The following BFSP2 variants were observed in gnomAD, a reference collection of about 807,000 sequenced individuals.
BFSP2 encodes beaded filament structural protein 2.
A neutral mutation model predicts 44.9 loss-of-function variants in BFSP2; 38 were observed. The observed-to-expected ratio is 0.85, with a 90% CI of 0.65 to 1.11. The LOEUF (loss-of-function observed/expected upper bound fraction) is 1.11. Ranked by LOEUF, BFSP2 falls within the 50% of genes least tolerant of loss-of-function variation. The pLI is 0.00. For synonymous variants in BFSP2, 197 were observed against 209.9 expected (o/e 0.94, Z 0.53); for missense variants, 525 against 533.0 (o/e 0.99, Z 0.15).
At chr3:133,432,754 G>A (rs538427101) in intron 1 of BFSP2, among the ~76,000 whole-genome samples, 46 of 152,182 alleles carry the variant, frequency 3.0e-4, no homozygotes, top group Middle Eastern at 6.8e-3. Context: ...TCTCCCTGCC[G>A]ATCGTGTCCG....
In BFSP2 at chr3:133,472,488, G is replaced by T. The variant is rs1363263240; in HGVS notation, c.1167G>T (p.Ala389=). ...CGGAGCAGCAGCAACAGGAGCGCGC[G>T]CATCTGCTGGCCCGCAAGTGCCAGC... is the stretch of plus-strand genomic sequence containing the variant. ...AEAEQQQQER[A]HLLARKCQLQ... Residue 389 remains alanine, a synonymous_variant, in exon 6 of 7, where the codon GCG becomes GCT. Coordinates refer to ENST00000302334, the MANE Select transcript of BFSP2 (RefSeq NM_003571.4). 2.5e-6 allele frequency: 4 copies of T among 1,613,392 alleles called. No individual in the cohort carries two copies. The highest frequency in any genetic ancestry group is 1.3e-5 in the African/African-American group (1 of 74,934).
intron 6 of BFSP2, among the ~76,000 whole-genome samples, chr3:133,474,386 G>T (rs763327382): frequency 6.0e-4 from 92 of 152,346 alleles, no homozygotes; most frequent in Non-Finnish European, 1.2e-3. Flanking sequence ...CAGGTCTCCT[G>T]CTCTCTCCAA....
At chr3:133,456,137 A>G in intron 4 of BFSP2, among the ~76,000 whole-genome samples, 1 of 152,130 alleles carries the variant, frequency 6.6e-6, no homozygotes, top group East Asian at 1.9e-4. Context: ...GAACAAATGG[A>G]TTGCTCCCAT....
At chr3:133,422,986 A>G (rs947097385) in intron 1 of BFSP2, among the ~76,000 whole-genome samples, 2 of 152,016 alleles carry the variant, frequency 1.3e-5, no homozygotes, top group Non-Finnish European at 2.9e-5. Flanking sequence ...TCTTGGACAC[A>G]CCCTGTCATG....
At chr3:133,461,794 A>G (rs1237155747) in intron 4 of BFSP2, among the ~76,000 whole-genome samples, 2 of 152,222 alleles carry the variant, frequency 1.3e-5, no homozygotes, top group Non-Finnish European at 2.9e-5. Context: ...ATCAAATTAC[A>G]TTCTTTTGCT....
chr3:133,458,683 G>A (rs1212874705), intron 4 of BFSP2, among the ~76,000 whole-genome samples: 2 of 152,012 alleles, frequency 1.3e-5, no homozygotes, highest in Non-Finnish European at 2.9e-5. Flanking sequence ...GCGACAGAGT[G>A]AGACTTTGTC....
At position 133,400,517 on chromosome 3, in the gene BFSP2, C is replaced by T. The variant is rs761232858; in HGVS notation, c.434C>T (p.Thr145Ile). ...CGGATGCACCTGGAGAGCAAAGCCA[C>T]ACGCTCGGGAAACTGGGGTGCCCTA... ...QLRMHLESKA[T>I]RSGNWGALRA... The change falls in exon 1 of 7, where the codon ACA becomes ATA. Residue 145 changes from threonine (T) to isoleucine (I), a missense_variant. Thr to Ile is a moderately conservative substitution (Grantham distance 89). Transcript: ENST00000302334. The surrounding 1 kb of genome is among the most constrained non-coding windows in gnomAD (Gnocchi z 4.0). 6.2e-7 allele frequency: 1 copy of T among 1,613,842 alleles called. No individual in the cohort carries two copies. The highest frequency in any genetic ancestry group is 1.7e-5 in the Admixed American group (1 of 60,020).
intron 5 of BFSP2, among the ~76,000 whole-genome samples, 197 bp downstream of exon 5, chr3:133,467,156 C>A (rs893751698): frequency 7.2e-5 from 11 of 152,160 alleles, no homozygotes; most frequent in African/African-American, 2.7e-4. Flanking sequence ...TGTAGTGCCC[C>A]ACGGAAATAT....
At chr3:133,403,847 G>A (rs1256938846) in intron 1 of BFSP2, among the ~76,000 whole-genome samples, 1 of 152,112 alleles carries the variant, frequency 6.6e-6, no homozygotes, top group Non-Finnish European at 1.5e-5. Flanking sequence ...GACAAAGACA[G>A]GTTTTCAGAA....
chr3:133,474,924 A>T, intron 6 of BFSP2, 45 bp from the exon 7 acceptor site: 3 of 1,613,060 alleles, frequency 1.9e-6, no homozygotes, highest in Non-Finnish European at 2.5e-6. Flanking sequence ...AGAATGACCG[A>T]TTTTCCTCAC....
At chr3:133,454,463 C>G (rs561860405) in intron 4 of BFSP2, among the ~76,000 whole-genome samples, 11 of 152,348 alleles carry the variant, frequency 7.2e-5, no homozygotes, top group African/African-American at 2.6e-4. Flanking sequence ...AATCCTGACA[C>G]TACCTGCCTG....
chr3:133,472,301 C>A, intron 5 of BFSP2, 44 bp from the exon 6 acceptor site: 1 of 1,572,860 alleles, frequency 6.4e-7, no homozygotes, highest in East Asian at 2.3e-5. Flanking sequence ...TTCAAGGGCC[C>A]GGCCTGTTGT....
chr3:133,446,990 T>C (rs570766176), intron 1 of BFSP2, among the ~76,000 whole-genome samples: 1 of 152,066 alleles, frequency 6.6e-6, no homozygotes, highest in Non-Finnish European at 1.5e-5. Flanking sequence ...TGAAACTTCA[T>C]CTAAGGAGCC....
chr3:133,447,051 A>G (rs889564239), intron 1 of BFSP2, among the ~76,000 whole-genome samples: 1 of 152,142 alleles, frequency 6.6e-6, no homozygotes, highest in African/African-American at 2.4e-5. Flanking sequence ...GAGGCTATGA[A>G]CAAGTCTGCC....
Position 133,400,714 on chromosome 3 carries a change from C to A in BFSP2, c.489+142C>A. ...TTCACACTTAAAATGGTAATGATAA[C>A]AACAATGCTACCTTTTACCGAGGTT... On this transcript the variant is annotated intron_variant, in intron 1 of 6. Transcript: ENST00000302334. The surrounding 1 kb of genome is among the most constrained non-coding windows in gnomAD (Gnocchi z 4.0). 7.4e-7 allele frequency: 1 copy of A among 1,355,166 alleles called. No homozygotes were observed. The allele number at this position is 1,355,166 out of a possible 1,614,324, so 83.9% of individuals were successfully genotyped here.
intron 1 of BFSP2, among the ~76,000 whole-genome samples, chr3:133,405,616 T>G (rs1324896023): frequency 6.6e-6 from 1 of 152,108 alleles, no homozygotes; most frequent in Non-Finnish European, 1.5e-5. Flanking sequence ...CTGGTATCCC[T>G]GGAAAGTAGG....
intron 1 of BFSP2, among the ~76,000 whole-genome samples, chr3:133,408,908 G>A (rs6766158): frequency 0.045 from 6,820 of 152,286 alleles, 178 homozygotes; most frequent in African/African-American, 0.055. Context: ...GAAAGGTAGG[G>A]CACTAGAGTT....
At chr3:133,425,867 G>A (rs1163772796) in intron 1 of BFSP2, among the ~76,000 whole-genome samples, 2 of 132,196 alleles carry the variant, frequency 1.5e-5, no homozygotes, top group Non-Finnish European at 3.2e-5. Context: ...GGGAAGGGAA[G>A]GGAAATAAAG....
chr3:133,424,983 G>A (rs2073630388), intron 1 of BFSP2, among the ~76,000 whole-genome samples: 2 of 152,178 alleles, frequency 1.3e-5, no homozygotes, highest in African/African-American at 2.4e-5. Flanking sequence ...AGTGGGAAAA[G>A]GCTTTGTTAG....
Sources: allele counts gnomAD v4.1 joint callset (sites outside exome capture counted in the v4.1 genomes callset), GRCh38; gene constraint gnomAD v4.1.1; non-coding constraint Gnocchi (gnomAD v3.1); transcripts MANE v1.5; gene names NCBI Gene and HGNC (gene_info 2026-07-23, HGNC 2026-07-21).